PLS1: variants seen among roughly 807,000 people sequenced by gnomAD.
PLS1 encodes plastin 1, also known as plastin-1.
A neutral mutation model predicts 73.7 loss-of-function variants in PLS1; 32 were observed. That is an observed-to-expected ratio of 0.43 (90% CI 0.33 to 0.58). The LOEUF is 0.58. Ranked by LOEUF, PLS1 falls within the 20% of genes least tolerant of loss-of-function variation. The pLI is 0.04. For missense variants in PLS1, 633 were observed against 740.5 expected (o/e 0.85, Z 1.68); for synonymous variants, 217 against 261.3 (o/e 0.83, Z 1.63).
chr3:142,646,350 A>T (rs745649978), intron 1 of PLS1, among the ~76,000 whole-genome samples: 69 of 152,330 alleles, frequency 4.5e-4, no homozygotes, highest in Non-Finnish European at 6.8e-4. Flanking sequence ...AGCCATGTTT[A>T]TAGAACCTTC....
intron 3 of PLS1, 25 bp from the exon 4 acceptor site, chr3:142,670,968 C>T: frequency 6.6e-7 from 1 of 1,518,098 alleles, no homozygotes; most frequent in Non-Finnish European, 9.1e-7. Context: ...ATCTGATTCT[C>T]AATTTTACTT....
At position 142,654,392 on chromosome 3, in the gene PLS1, C is replaced by G. The variant is rs189131920; in HGVS notation, c.-36-9810C>G. Among the ~76,000 whole-genome samples the G allele has an allele frequency of 4.0e-3, 606 of 152,278 alleles. 10 individuals are homozygous for G. The highest frequency in any genetic ancestry group is 0.014 in the African/African-American group (572 of 41,566). On this transcript the variant is annotated intron_variant, in intron 1 of 15. Coordinates refer to ENST00000457734, the MANE Select transcript of PLS1 (RefSeq NM_001145319.2). ...ACAGAATCTTGCTCTGTCGCCCAGG[C>G]TGGAATGCAATGGCACAATCATAGC...
intron 1 of PLS1, among the ~76,000 whole-genome samples, chr3:142,626,839 G>C (rs2036440515): frequency 1.3e-5 from 2 of 152,134 alleles, no homozygotes; most frequent in Admixed American, 6.5e-5. Context: ...TATCAACTGG[G>C]TTATATAATC....
intron 9 of PLS1, among the ~76,000 whole-genome samples, chr3:142,687,144 C>G (rs565438435): frequency 2.6e-5 from 4 of 151,764 alleles, no homozygotes; most frequent in African/African-American, 9.7e-5. Context: ...AGTCTTTTGG[C>G]TTCCCTGGGC....
At chr3:142,600,903 TATATA>T (rs1237038829) in intron 1 of PLS1, among the ~76,000 whole-genome samples, 48 of 32,570 alleles carry the variant, frequency 1.5e-3, no homozygotes, top group African/African-American at 9.1e-3. Context: ...TATATATATA[TATATA>T]TATATATATT....
rs1444627135 is a variant in PLS1 at position 142,600,905 on chromosome 3, TATATATATATA to T, written c.-37+4397_-37+4407del. ...ATATATATATATATATATATATATA[TATATATATATA>T]TTTTTTTTTTTTTTTTTTTTTTTTT... On this transcript the variant is annotated intron_variant, in intron 1 of 15. Coordinates refer to ENST00000457734, the MANE Select transcript of PLS1 (RefSeq NM_001145319.2). 5.6e-3 allele frequency among the ~76,000 whole-genome samples: 175 copies of T among 31,426 alleles called. 3 individuals carry two copies. Among genetic ancestry groups the T allele is most frequent in the Non-Finnish European group, 7.6e-3 (149 of 19,524 alleles). The allele number at this position is 31,426 out of a possible 152,430, so 20.6% of individuals were successfully genotyped here.
intron 1 of PLS1, among the ~76,000 whole-genome samples, chr3:142,619,892 G>C (rs1577783184): frequency 6.6e-6 from 1 of 152,258 alleles, no homozygotes; most frequent in South Asian, 2.1e-4. Flanking sequence ...TAATGGGCAA[G>C]GGAGTGGACT....
rs144106181 is a variant in PLS1, at chr3:142,669,225, T to C, written c.71-165T>C. On this transcript the variant is annotated intron_variant, in intron 2 of 15. Coordinates refer to ENST00000457734, the MANE Select transcript of PLS1 (RefSeq NM_001145319.2). ...AAATACGAGTTTTTAAAATAAAGCA[T>C]ATAGCATATTCTGTACAGTTCAGGT... Among the ~76,000 whole-genome samples, 218 of 152,158 alleles carry C rather than the reference T, an allele frequency of 1.4e-3. 2 individuals carry two copies. The highest frequency in any genetic ancestry group is 5.0e-3 in the African/African-American group (207 of 41,528).
At chr3:142,605,687 C>T (rs544136497) in intron 1 of PLS1, among the ~76,000 whole-genome samples, 8 of 152,244 alleles carry the variant, frequency 5.3e-5, no homozygotes, top group East Asian at 1.9e-4. Context: ...TGAAATAATT[C>T]CTCTATGAAA....
chr3:142,694,565 C>G lies in PLS1; in HGVS notation c.1256+18C>G, dbSNP rs6789958. On this transcript the variant is annotated intron_variant, in intron 11 of 15. Transcript: ENST00000457734. The stretch of plus-strand genomic sequence containing the variant: ...TTGTACAGGTAAATATTTTATTGTG[C>G]TTCAGCTTTACTGTCAGGGTCCAAC... The G allele has an allele frequency of 7.0e-7, 1 of 1,437,696 alleles. No individual in the cohort carries two copies. The highest frequency in any genetic ancestry group is 1.2e-5 in the South Asian group (1 of 86,078). The allele number at this position is 1,437,696 out of a possible 1,614,324, so 89.1% of individuals were successfully genotyped here.
At chr3:142,681,016 T>C (rs2037841580) in intron 6 of PLS1, among the ~76,000 whole-genome samples, 1 of 152,192 alleles carries the variant, frequency 6.6e-6, no homozygotes, top group South Asian at 2.1e-4. Context: ...GCAAGTGCAA[T>C]CCTTGATTTC....
intron 6 of PLS1, among the ~76,000 whole-genome samples, chr3:142,680,145 C>T (rs2037818256): frequency 6.6e-6 from 1 of 152,170 alleles, no homozygotes. Flanking sequence ...ATCACTGTAA[C>T]CTCAAACTCC....
intron 14 of PLS1, among the ~76,000 whole-genome samples, chr3:142,709,799 A>G (rs2107976133): frequency 6.7e-6 from 1 of 148,662 alleles, no homozygotes; most frequent in African/African-American, 2.5e-5. Flanking sequence ...CCTGGGCAAC[A>G]GAGCGAGACT....
intron 4 of PLS1, among the ~76,000 whole-genome samples, chr3:142,672,336 G>A (rs2037620313): frequency 7.1e-6 from 1 of 140,742 alleles, no homozygotes; most frequent in Admixed American, 7.1e-5. Flanking sequence ...TGCATGAAGT[G>A]TACTTTTTTT....
chr3:142,694,659 T>C, intron 11 of PLS1, 112 bp downstream of exon 11: 1 of 591,148 alleles, frequency 1.7e-6, no homozygotes, highest in Non-Finnish European at 3.0e-6. Context: ...TTTTAGCCAA[T>C]TTTTAGAGTT....
At chr3:142,627,526 CTA>C (rs1487871555) in intron 1 of PLS1, among the ~76,000 whole-genome samples, 3 of 152,134 alleles carry the variant, frequency 2.0e-5, no homozygotes, top group Non-Finnish European at 2.9e-5. Context: ...GAAGTATCTG[CTA>C]TCTGTTTTTT....
At chr3:142,607,504 G>A (rs2036045246) in intron 1 of PLS1, among the ~76,000 whole-genome samples, 1 of 152,158 alleles carries the variant, frequency 6.6e-6, no homozygotes, top group Non-Finnish European at 1.5e-5. Flanking sequence ...TTGATCTCTG[G>A]ACCTCATGAT....
In PLS1 at chr3:142,632,763, T is replaced by C. The variant is rs146482528; in HGVS notation, c.-36-31439T>C. 4.1e-3 allele frequency among the ~76,000 whole-genome samples: 623 copies of C among 152,248 alleles called. 12 individuals carry two copies. Among genetic ancestry groups the C allele is most frequent in the African/African-American group, 0.015 (605 of 41,544 alleles). Reference sequence around the variant, plus strand: ...ACAGGTACATGCCACCATACCCGGCTAATTTTTATATTTTTAGTAGAAATG... The same window carrying C: ...ACAGGTACATGCCACCATACCCGGCCAATTTTTATATTTTTAGTAGAAATG... On this transcript the variant is annotated intron_variant, in intron 1 of 15. Coordinates refer to ENST00000457734, the MANE Select transcript of PLS1 (RefSeq NM_001145319.2).
intron 1 of PLS1, among the ~76,000 whole-genome samples, chr3:142,638,690 G>A (rs976358970): frequency 6.6e-6 from 1 of 151,952 alleles, no homozygotes; most frequent in African/African-American, 2.4e-5. Context: ...CAAAATTTAG[G>A]TGTGTAAGAA....
Sources: allele counts gnomAD v4.1 joint callset (sites outside exome capture counted in the v4.1 genomes callset), GRCh38; gene constraint gnomAD v4.1.1; transcripts MANE v1.5; gene names NCBI Gene and HGNC (gene_info 2026-07-23, HGNC 2026-07-21).